Variants in ERCC6L2 observed in about 807,000 individuals in gnomAD.
ERCC6L2 encodes the protein ERCC excision repair 6 like 2, also known as DNA excision repair protein ERCC-6-like 2.
ERCC6L2 carries 77 observed loss-of-function variants against 132.0 expected under a neutral mutation model. The observed-to-expected ratio is 0.58, with a 90% CI of 0.49 to 0.71. The LOEUF is 0.71. ERCC6L2 is among the 30% of genes least tolerant of loss of function. The pLI is 0.00. For synonymous variants in ERCC6L2, 583 were observed against 632.4 expected (o/e 0.92, Z 1.17); for missense variants, 1,542 against 1,837.6 (o/e 0.84, Z 2.94).
rs2133232293 is a variant in ERCC6L2, at chr9:96,014,352, G to A, written c.*1149G>A. ...CTAAAGAGCACTGCTATCAAGTTGAGGAGAGAGGGCTTCCGTGTACTCAGG... is the reference window on the plus strand; with the variant it reads ...CTAAAGAGCACTGCTATCAAGTTGAAGAGAGAGGGCTTCCGTGTACTCAGG... On this transcript the variant is annotated 3_prime_UTR_variant, in exon 19 of 19. Coordinates refer to ENST00000653738, the MANE Select transcript of ERCC6L2 (RefSeq NM_020207.7). 1 of 152,324 alleles carries A rather than the reference G, an allele frequency of 6.6e-6. No individual in the cohort carries two copies. 9.4% of individuals were successfully genotyped at this position (152,324 alleles called of 1,614,324 possible). A position where few individuals can be genotyped will look rare whatever the true frequency, so the allele number is the denominator to read the frequency against.
chr9:95,973,628 CTTATTCGCTATCATGAGAACAGCATGG>C, intron 16 of ERCC6L2, among the ~76,000 whole-genome samples: 2 of 152,142 alleles, frequency 1.3e-5, no homozygotes, highest in South Asian at 4.2e-4. Flanking sequence ...TCTCATGAGA[CTTATTCGCTATCATGAGAACAGCATGG>C]GAAAGACCTG....
intron 19 of ERCC6L2, among the ~76,000 whole-genome samples, chr9:96,032,227 C>A (rs1202326517): frequency 6.6e-6 from 1 of 152,084 alleles, no homozygotes; most frequent in Non-Finnish European, 1.5e-5. Context: ...GGCCAGGGAC[C>A]CCAGATCTGA....
At chr9:95,954,476 C>T (rs918313578) in intron 12 of ERCC6L2, among the ~76,000 whole-genome samples, 1 of 152,188 alleles carries the variant, frequency 6.6e-6, no homozygotes, top group East Asian at 1.9e-4. Context: ...AGAAATAAAG[C>T]TAATGACCTA....
chr9:95,964,340 C>T (rs1033567458), intron 13 of ERCC6L2, among the ~76,000 whole-genome samples: 4 of 152,246 alleles, frequency 2.6e-5, no homozygotes, highest in Middle Eastern at 3.4e-3. Context: ...TGTGTCATTT[C>T]GACTTGCTCC....
At chr9:96,011,625 A>C (rs980502828) in intron 18 of ERCC6L2, among the ~76,000 whole-genome samples, 3 of 152,222 alleles carry the variant, frequency 2.0e-5, no homozygotes, top group African/African-American at 4.8e-5. Flanking sequence ...CATTTCTTCT[A>C]ATAGCATCTC....
chr9:95,959,187 G>T (rs1831774511), intron 13 of ERCC6L2, among the ~76,000 whole-genome samples: 1 of 149,284 alleles, frequency 6.7e-6, no homozygotes, highest in Non-Finnish European at 1.5e-5. Context: ...CAGAGATGTA[G>T]ATCAATGGAA....
intron 2 of ERCC6L2, among the ~76,000 whole-genome samples, chr9:95,892,315 C>T (rs947370216): frequency 1.3e-5 from 2 of 149,774 alleles, no homozygotes; most frequent in African/African-American, 4.9e-5. Context: ...TGGGTTGTTG[C>T]CTATTTTAGG....
intron 11 of ERCC6L2, among the ~76,000 whole-genome samples, chr9:95,932,008 T>G (rs75493423): frequency 0.15 from 22,404 of 151,980 alleles, 1,736 homozygotes; most frequent in South Asian, 0.23. Context: ...TCTCTCAGAC[T>G]TTGTCTTTTT....
intron 3 of ERCC6L2, 90 bp from the exon 4 acceptor site, chr9:95,906,988 G>T: frequency 1.2e-6 from 1 of 822,326 alleles, no homozygotes; most frequent in South Asian, 1.6e-5. Flanking sequence ...AATTAAGGAA[G>T]AGGACTATTG....
exon 20 of ERCC6L2, chr9:96,039,021 C>G (rs1051887435): frequency 2.3e-6 from 1 of 434,686 alleles, no homozygotes; most frequent in Non-Finnish European, 4.6e-6. Flanking sequence ...TTGGAGACAG[C>G]TCCCCCAGCC....
chr9:95,939,098 T>G (rs1460609088), intron 11 of ERCC6L2, among the ~76,000 whole-genome samples: 1 of 152,134 alleles, frequency 6.6e-6, no homozygotes, highest in Admixed American at 6.6e-5. Context: ...TTTAAGATAT[T>G]ATTGTCTTAG....
At chr9:95,876,310 T>A (rs1827266067) in intron 1 of ERCC6L2, 4 of 474,588 alleles carry the variant, frequency 8.4e-6, no homozygotes, top group Non-Finnish European at 1.5e-5. Context: ...TGACAGTTAC[T>A]TGCTGAGCAA....
At chr9:95,971,866 A>T (rs1218369866) in intron 15 of ERCC6L2, 67 bp from the exon 16 acceptor site, 1 of 1,060,688 alleles carries the variant, frequency 9.4e-7, no homozygotes, top group Admixed American at 3.6e-5. Context: ...AAAGTTGAGT[A>T]CTTTTCAGTT....
intron 11 of ERCC6L2, among the ~76,000 whole-genome samples, chr9:95,929,806 T>C (rs1374483864): frequency 6.6e-6 from 1 of 152,164 alleles, no homozygotes; most frequent in Non-Finnish European, 1.5e-5. Flanking sequence ...TCATAAAACA[T>C]ATAAGCATTC....
chr9:96,001,162 A>G (rs1051565450), intron 17 of ERCC6L2, among the ~76,000 whole-genome samples: 1 of 152,168 alleles, frequency 6.6e-6, no homozygotes, highest in Admixed American at 6.5e-5. Context: ...TGAGTGTTAC[A>G]GCTCATAAAA....
At chr9:95,970,527 A>G (rs918541352) in intron 14 of ERCC6L2, 49 bp from the exon 15 acceptor site, 1 of 1,154,884 alleles carries the variant, frequency 8.7e-7, no homozygotes, top group Non-Finnish European at 1.1e-6. Flanking sequence ...GGTTGTTGCT[A>G]CCCCCTGTGT....
chr9:95,985,828 A>G (rs1833075063), intron 17 of ERCC6L2, among the ~76,000 whole-genome samples: 1 of 152,164 alleles, frequency 6.6e-6, no homozygotes, highest in Non-Finnish European at 1.5e-5. Context: ...CATACCAACC[A>G]CAGAGTATGT....
At chr9:96,003,300 A>T (rs1177216160) in intron 17 of ERCC6L2, among the ~76,000 whole-genome samples, 1 of 152,076 alleles carries the variant, frequency 6.6e-6, no homozygotes, top group African/African-American at 2.4e-5. Context: ...TTCCTATGGT[A>T]TGTTTTTTAT....
chr9:95,938,390 C>T (rs1830652764), intron 11 of ERCC6L2, among the ~76,000 whole-genome samples: 1 of 151,926 alleles, frequency 6.6e-6, no homozygotes, highest in African/African-American at 2.4e-5. Flanking sequence ...CTTTTATATC[C>T]TTGCCAATTT....
Sources: allele counts gnomAD v4.1 joint callset (sites outside exome capture counted in the v4.1 genomes callset), GRCh38; gene constraint gnomAD v4.1.1; transcripts MANE v1.5; gene names NCBI Gene and HGNC (gene_info 2026-07-23, HGNC 2026-07-21).